NAPB: variants seen among roughly 807,000 people sequenced by gnomAD.
NAPB encodes beta-soluble NSF attachment protein.
In NAPB, 26 loss-of-function variants were observed where a neutral mutation model predicts 44.7. The observed-to-expected ratio is 0.58, with a 90% CI of 0.43 to 0.81. The LOEUF is 0.81. NAPB is among the 30% of genes least tolerant of loss of function. The probability of loss-of-function intolerance (pLI) is 0.00; values close to 1 mark genes in which losing one functional copy is unlikely to be tolerated. For missense variants in NAPB, 315 were observed against 356.4 expected (o/e 0.88, Z 0.94); for synonymous variants, 120 against 116.8 (o/e 1.03, Z -0.18).
intron 5 of NAPB, among the ~76,000 whole-genome samples, chr20:23,392,897 G>A (rs2236022): frequency 0.25 from 37,781 of 151,806 alleles, 5,388 homozygotes; most frequent in Middle Eastern, 0.36. Context: ...AGACCCATGT[G>A]TTGGAGACCA....
intron 2 of NAPB, among the ~76,000 whole-genome samples, chr20:23,401,142 C>A (rs1984808896): frequency 6.6e-6 from 1 of 152,028 alleles, no homozygotes; most frequent in Non-Finnish European, 1.5e-5. Context: ...ACAGAGGGAA[C>A]AGTACATGCA....
At chr20:23,398,431 G>A (rs774317141) in intron 2 of NAPB, among the ~76,000 whole-genome samples, 1 of 151,982 alleles carries the variant, frequency 6.6e-6, no homozygotes, top group African/African-American at 2.4e-5. Context: ...GTGCAGTGGC[G>A]TGATCACAGC....
At chr20:23,390,913 T>C (rs1213911963) in intron 5 of NAPB, among the ~76,000 whole-genome samples, 2 of 152,310 alleles carry the variant, frequency 1.3e-5, no homozygotes, top group East Asian at 1.9e-4. Context: ...ATCTAAAATA[T>C]ATGGCATCAA....
At chr20:23,398,726 C>T (rs1984577045) in intron 2 of NAPB, among the ~76,000 whole-genome samples, 1 of 151,762 alleles carries the variant, frequency 6.6e-6, no homozygotes, top group African/African-American at 2.4e-5. Context: ...TGCCTATAAT[C>T]CCAGCTACTT....
At chr20:23,396,289 T>C (rs1984356370) in intron 3 of NAPB, among the ~76,000 whole-genome samples, 1 of 152,232 alleles carries the variant, frequency 6.6e-6, no homozygotes, top group African/African-American at 2.4e-5. Flanking sequence ...TCTAACAGCT[T>C]ATTTAACCTG....
intron 1 of NAPB, among the ~76,000 whole-genome samples, chr20:23,405,447 C>CA (rs1255049404): frequency 1.3e-5 from 2 of 152,142 alleles, no homozygotes; most frequent in Non-Finnish European, 2.9e-5. Flanking sequence ...AGTGGCCAGG[C>CA]ACAGTGGCTC....
chr20:23,377,492 AT>A lies in NAPB; in HGVS notation c.787-7del. On this transcript the variant is annotated splice_region_variant and splice_polypyrimidine_tract_variant and intron_variant, in intron 10 of 10. Transcript: ENST00000377026. ...ATTGAGTCAAATTCCTTCACCTAGTATAAGGAAAGAGGAACAGGAATTACCC... is the reference window on the plus strand; with the variant it reads ...ATTGAGTCAAATTCCTTCACCTAGTAAAGGAAAGAGGAACAGGAATTACCC... 2 of 1,576,452 alleles carry A rather than the reference AT, an allele frequency of 1.3e-6. No homozygotes were observed. Among genetic ancestry groups the A allele is most frequent in the South Asian group, 2.3e-5 (2 of 86,214 alleles).
intron 5 of NAPB, 63 bp from the exon 6 acceptor site, chr20:23,390,327 T>C: frequency 7.4e-7 from 1 of 1,354,586 alleles, no homozygotes; most frequent in Non-Finnish European, 1.1e-6. Flanking sequence ...TAAAACTACA[T>C]TTGCATAGGT....
At chr20:23,393,406 C>A (rs1025114674) in intron 5 of NAPB, among the ~76,000 whole-genome samples, 1 of 152,144 alleles carries the variant, frequency 6.6e-6, no homozygotes, top group Non-Finnish European at 1.5e-5. Context: ...AAAGAGTGAA[C>A]GTTAACAATG....
rs940704346 is a variant in NAPB, at chr20:23,414,173, T to A, written c.98+7132A>T. On this transcript the variant is annotated intron_variant, in intron 1 of 10. Transcript: ENST00000377026. ...CCCATATCTAATAAAAATACAAAAATTAGCTGGGCATGGTGGCCTGTGCCT... is the reference window on the plus strand; with the variant it reads ...CCCATATCTAATAAAAATACAAAAAATAGCTGGGCATGGTGGCCTGTGCCT... Among the ~76,000 whole-genome samples, 3 of 152,000 alleles carry A rather than the reference T, an allele frequency of 2.0e-5. 1 individual carries two copies. Among genetic ancestry groups the A allele is most frequent in the Non-Finnish European group, 4.4e-5 (3 of 68,018 alleles).
rs1982415953 is a variant in NAPB at position 23,375,276 on chromosome 20, AC to A, written c.*2099del. 1.3e-5 allele frequency: 2 copies of A among 152,208 alleles called. No individual in the cohort carries two copies. The highest frequency in any genetic ancestry group is 4.8e-5 in the African/African-American group (2 of 41,436). 9.4% of individuals were successfully genotyped at this position (152,208 alleles called of 1,614,324 possible). ...TAATTGACACAACAAAATGTTACAA[AC>A]ATTATTGTTAAAAAAAAATACCCCT... On this transcript the variant is annotated 3_prime_UTR_variant, in exon 11 of 11. Coordinates refer to ENST00000377026, the MANE Select transcript of NAPB (RefSeq NM_022080.3).
rs976570300 is a variant in NAPB at position 23,421,487 on chromosome 20, A to ACGCAGG, written c.-86_-85insCCTGCG. 3.1e-5 allele frequency: 39 copies of ACGCAGG among 1,270,784 alleles called. No homozygotes were observed. Among genetic ancestry groups the ACGCAGG allele is most frequent in the Non-Finnish European group, 4.0e-5 (37 of 933,120 alleles). The allele number at this position is 1,270,784 out of a possible 1,614,324, so 78.7% of individuals were successfully genotyped here. A position where few individuals can be genotyped will look rare whatever the true frequency, so the allele number is the denominator to read the frequency against. On this transcript the variant is annotated 5_prime_UTR_variant, in exon 1 of 11. Coordinates refer to ENST00000377026, the MANE Select transcript of NAPB (RefSeq NM_022080.3). ...AACCCTCCCTCTGGCGGCCGCAGGG[A>ACGCAGG]CGCAGGCGCAGGCGCGACGCGCGAG...
In NAPB at chr20:23,420,436, G is replaced by A. The variant is rs371886277; in HGVS notation, c.98+869C>T. 2.6e-4 allele frequency among the ~76,000 whole-genome samples: 40 copies of A among 152,268 alleles called. 2 individuals are homozygous for A. In the South Asian group the frequency reaches 8.3e-3, roughly 32 times the overall value. ...AGGTGTACTCGGCGCAAGGCCCCTG[G>A]AGAGAGGCCAACAAGCACACCAGCT... On this transcript the variant is annotated intron_variant, in intron 1 of 10. Coordinates refer to ENST00000377026, the MANE Select transcript of NAPB (RefSeq NM_022080.3).
At chr20:23,379,200 T>A (rs1982797146) in intron 10 of NAPB, 2 of 394,842 alleles carry the variant, frequency 5.1e-6, no homozygotes, top group East Asian at 3.9e-5. Flanking sequence ...AGAATATAAA[T>A]GGAATATTTG....
At chr20:23,412,059 A>C (rs78575388) in intron 1 of NAPB, among the ~76,000 whole-genome samples, 1 of 152,208 alleles carries the variant, frequency 6.6e-6, no homozygotes, top group African/African-American at 2.4e-5. Flanking sequence ...TAGAACTGTC[A>C]TAACAGCAAA....
intron 1 of NAPB, among the ~76,000 whole-genome samples, chr20:23,410,668 C>A (rs976237718): frequency 6.6e-6 from 1 of 151,734 alleles, no homozygotes; most frequent in African/African-American, 2.4e-5. Flanking sequence ...TGCATATGTA[C>A]CCCCTGACTC....
intron 1 of NAPB, among the ~76,000 whole-genome samples, chr20:23,408,794 T>C (rs1177027163): frequency 1.3e-5 from 2 of 152,202 alleles, no homozygotes; most frequent in African/African-American, 4.8e-5. Flanking sequence ...GATAAATGTA[T>C]GAGGTGATGA....
chr20:23,411,852 A>C (rs1985679156), intron 1 of NAPB, among the ~76,000 whole-genome samples: 1 of 152,234 alleles, frequency 6.6e-6, no homozygotes, highest in Non-Finnish European at 1.5e-5. Flanking sequence ...GACAAATAGC[A>C]ATGAAAATAT....
At chr20:23,417,201 A>G (rs1203943943) in intron 1 of NAPB, among the ~76,000 whole-genome samples, 2 of 151,308 alleles carry the variant, frequency 1.3e-5, no homozygotes, top group Non-Finnish European at 2.9e-5. Flanking sequence ...CTCCTGCCTC[A>G]GCCTACCAAG....
Sources: gnomAD v4.1 joint callset for allele counts (sites outside exome capture counted in the v4.1 genomes callset) on GRCh38, gnomAD v4.1.1 for gene constraint, MANE v1.5 for transcripts, NCBI Gene and HGNC (gene_info 2026-07-23, HGNC 2026-07-21) for gene names.